KANSL3: variants seen among roughly 807,000 people sequenced by gnomAD.
KANSL3 encodes the protein KAT8 regulatory NSL complex subunit 3.
Under a neutral mutation model 89.2 loss-of-function variants are expected in KANSL3, and 16 were observed. That is an observed-to-expected ratio of 0.18 (90% CI 0.12 to 0.27). The LOEUF is 0.27. Ranked by LOEUF, KANSL3 falls within the 10% of genes least tolerant of loss-of-function variation. The pLI, the probability that KANSL3 is intolerant of heterozygous loss-of-function variation, is 1.00. For missense variants in KANSL3, 879 were observed against 1,110.6 expected, an observed-to-expected ratio of 0.79 and a Z score of 2.96; for synonymous variants, 385 against 419.7, an observed-to-expected ratio of 0.92 and a Z score of 1.01.
At chr2:96,604,650 A>G (rs2067698264) in intron 16 of KANSL3, 129 bp downstream of exon 16, 1 of 886,190 alleles carries the variant, frequency 1.1e-6, no homozygotes, top group African/African-American at 1.7e-5. Context: ...AAAGATCCCA[A>G]TCAGAAGTAA....
chr2:96,619,600 G>C, intron 4 of KANSL3, 56 bp from the exon 5 acceptor site: 4 of 1,607,414 alleles, frequency 2.5e-6, no homozygotes, highest in Non-Finnish European at 3.4e-6. Flanking sequence ...TAACAAGCAG[G>C]GGGACAAGTC....
rs370766806 is a variant in KANSL3 at position 96,601,701 on chromosome 2, C to T, written c.2558G>A (p.Gly853Asp). The T allele has an allele frequency of 2.5e-6, 4 of 1,612,954 alleles. No homozygotes were observed. Among genetic ancestry groups the T allele is most frequent in the African/African-American group, 2.7e-5 (2 of 74,870 alleles). ...PSRITTLSPM[G>D]SGAAPSEESS... ...CTCCTCGGATGGGGCTGCTCCTGAGCCCATAGGGCTCAGTGTAGTGATCCT... is the reference window on the plus strand; with the variant it reads ...CTCCTCGGATGGGGCTGCTCCTGAGTCCATAGGGCTCAGTGTAGTGATCCT... Residue 853 changes from glycine to aspartate, a missense_variant, in exon 20 of 21, where the codon GGC becomes GAC. Transcript: ENST00000431828.
intron 10 of KANSL3, 90 bp from the exon 11 acceptor site, chr2:96,610,973 T>C: frequency 6.3e-7 from 1 of 1,577,660 alleles, no homozygotes; most frequent in South Asian, 1.1e-5. Context: ...GCCATGCAAC[T>C]GCAGTCAGCC....
Position 96,602,254 on chromosome 2 carries a change from C to T in KANSL3, c.2344G>A (p.Val782Met), listed in dbSNP as rs2067286022. The change falls in exon 19 of 21, where the codon GTG (valine) becomes ATG (methionine). Residue 782 changes from valine (V) to methionine (M), a missense_variant. Coordinates refer to ENST00000431828, the MANE Select transcript of KANSL3 (RefSeq NM_001115016.3). The stretch of plus-strand genomic sequence containing the variant: ...CCCAAGGAGGAGAGAGTGGTGGCCA[C>T]AGGAATGGTACGGACAATGGTGCTG... ...GTSTIVRTIP[V>M]ATTLSSLGAT... is the part of the protein sequence containing the mutation. 1 of 1,612,364 alleles carries T rather than the reference C, an allele frequency of 6.2e-7. No homozygotes were observed. The highest frequency in any genetic ancestry group is 8.5e-7 in the Non-Finnish European group (1 of 1,179,372).
chr2:96,631,019 G>A (rs2073292249), intron 3 of KANSL3, among the ~76,000 whole-genome samples: 1 of 152,178 alleles, frequency 6.6e-6, no homozygotes, highest in Non-Finnish European at 1.5e-5. Context: ...AGCTACTACA[G>A]AGCTAGTCAT....
chr2:96,602,485 T>A, intron 18 of KANSL3, 147 bp from the exon 19 acceptor site: 1 of 671,888 alleles, frequency 1.5e-6, no homozygotes, highest in Non-Finnish European at 2.6e-6. Flanking sequence ...TTGCATATAT[T>A]ATTTCATTCT....
Position 96,606,932 on chromosome 2 carries a change from A to G in KANSL3, c.1742-1421T>C, listed in dbSNP as rs571710309. On this transcript the variant is annotated intron_variant, in intron 14 of 20. Transcript: ENST00000431828. Reference sequence around the variant, plus strand: ...AATAAATAAGGGGTTGAGGAGCAGAATGTAGTGGACGAGCAGGCAAGAAAG... The same window carrying G: ...AATAAATAAGGGGTTGAGGAGCAGAGTGTAGTGGACGAGCAGGCAAGAAAG... 2.5e-5 allele frequency: 29 copies of G among 1,141,234 alleles called. No homozygotes were observed. The African/African-American group carries it at 4.3e-4, about 17-fold the overall frequency. The allele number at this position is 1,141,234 out of a possible 1,614,324, so 70.7% of individuals were successfully genotyped here. A position where few individuals can be genotyped will look rare whatever the true frequency, so the allele number is the denominator to read the frequency against.
chr2:96,604,095 G>T, intron 17 of KANSL3, 155 bp downstream of exon 17: 2 of 755,914 alleles, frequency 2.6e-6, no homozygotes, highest in Non-Finnish European at 3.9e-6. Flanking sequence ...CTCTGCCCAA[G>T]CTAATTCCAG....
downstream of KANSL3, among the ~76,000 whole-genome samples, chr2:96,592,555 C>T (rs1312259256): frequency 6.6e-6 from 1 of 152,180 alleles, no homozygotes; most frequent in East Asian, 1.9e-4. Flanking sequence ...ATCTCCTCAC[C>T]TCCTGGGTTA....
rs754259645 is a variant in KANSL3, at chr2:96,637,119, C to T, written c.17G>A (p.Gly6Glu). The change falls in exon 2 of 21, where the codon GGG becomes GAG. Residue 6 changes from glycine (G) to glutamate (E), a missense_variant. Gly to Glu is a moderately conservative substitution (Grantham distance 98, BLOSUM62 -2). Around this residue, in one of 6 missense-constraint regions of KANSL3, gnomAD observed 210 missense variants for 311.9 expected, o/e 0.67. Transcript: ENST00000431828. ...AGCTGAAGTCTGGAAGTCCCTCTCC[C>T]CACCCCGGTGGGCCATGTCAGTGGA... MAHRG[G>E]ERDFQTSARR... is the part of the protein sequence containing the mutation. 1.3e-6 allele frequency: 2 copies of T among 1,551,450 alleles called. No individual in the cohort carries two copies. The highest frequency in any genetic ancestry group is 1.2e-5 in the South Asian group (1 of 84,038).
At position 96,636,921 on chromosome 2, in the gene KANSL3, A is replaced by G; in HGVS notation, c.215T>C (p.Ile72Thr). The G allele has an allele frequency of 6.6e-7, 1 of 1,519,116 alleles. No individual in the cohort carries two copies. Among genetic ancestry groups the G allele is most frequent in the Non-Finnish European group, 8.9e-7 (1 of 1,129,642 alleles). 94.1% of individuals were successfully genotyped at this position (1,519,116 alleles called of 1,614,324 possible). A position where few individuals can be genotyped will look rare whatever the true frequency, so the allele number is the denominator to read the frequency against. The change falls in exon 2 of 21, where the codon ATT becomes ACT. Residue 72 changes from isoleucine to threonine, a missense_variant and splice_region_variant. Ile to Thr is a moderately conservative substitution (Grantham distance 89). Coordinates refer to ENST00000431828, the MANE Select transcript of KANSL3 (RefSeq NM_001115016.3). ...VTPRRQHESTIESDVPIDVET... is the reference protein window; with the variant it reads ...VTPRRQHESTTESDVPIDVET... ...GCAGCCCTTAGAAGCCCCAACTCACATGGTACTTTCGTGCTGCCGCCGGGG... is the reference window on the plus strand; with the variant it reads ...GCAGCCCTTAGAAGCCCCAACTCACGTGGTACTTTCGTGCTGCCGCCGGGG...
At chr2:96,632,146 G>T (rs1018293659) in intron 2 of KANSL3, among the ~76,000 whole-genome samples, 1 of 152,114 alleles carries the variant, frequency 6.6e-6, no homozygotes, top group African/African-American at 2.4e-5. Flanking sequence ...TTAAGCCCAG[G>T]AGTGAGCTGG....
Position 96,595,518 on chromosome 2 carries a change from C to T in KANSL3, c.*93G>A, listed in dbSNP as rs2066453400. ...ACTGTCTTAAACAGGTCTTCCGACACGTGGACAGCTCAGCAGGACCACACA... is the reference window on the plus strand; with the variant it reads ...ACTGTCTTAAACAGGTCTTCCGACATGTGGACAGCTCAGCAGGACCACACA... On this transcript the variant is annotated 3_prime_UTR_variant, in exon 21 of 21. Coordinates refer to ENST00000431828, the MANE Select transcript of KANSL3 (RefSeq NM_001115016.3). 1.1e-5 allele frequency: 15 copies of T among 1,396,396 alleles called. No individual in the cohort carries two copies. Among genetic ancestry groups the T allele is most frequent in the Non-Finnish European group, 1.3e-5 (13 of 997,736 alleles). The allele number at this position is 1,396,396 out of a possible 1,614,324, so 86.5% of individuals were successfully genotyped here.
intron 3 of KANSL3, among the ~76,000 whole-genome samples, chr2:96,630,192 A>C (rs1333927559): frequency 2.0e-5 from 3 of 152,090 alleles, no homozygotes; most frequent in Non-Finnish European, 4.4e-5. Context: ...GAGAATTAAA[A>C]ACTTAGATCC....
chr2:96,597,812 A>AAG (rs1290647369), intron 20 of KANSL3, among the ~76,000 whole-genome samples: 1 of 152,092 alleles, frequency 6.6e-6, no homozygotes, highest in Non-Finnish European at 1.5e-5. Context: ...CATTTTGGTC[A>AAG]AGATGGTTTC....
chr2:96,623,206 G>A (rs1185687427), intron 3 of KANSL3, among the ~76,000 whole-genome samples: 1 of 152,166 alleles, frequency 6.6e-6, no homozygotes, highest in African/African-American at 2.4e-5. Context: ...TCTAAGTTCT[G>A]TAAACAGCCA....
At chr2:96,611,687 A>G (rs1420472464) in intron 9 of KANSL3, among the ~76,000 whole-genome samples, 2 of 152,174 alleles carry the variant, frequency 1.3e-5, no homozygotes, top group Non-Finnish European at 2.9e-5. Flanking sequence ...CATGAGGGAC[A>G]CTTACACAAA....
chr2:96,599,777 T>C (rs1288328641), intron 20 of KANSL3: 3 of 289,942 alleles, frequency 1.0e-5, no homozygotes, highest in Non-Finnish European at 1.5e-5. Context: ...TCTTAAGTAA[T>C]CAGGAAAATG....
In KANSL3 at chr2:96,632,938, A is replaced by C. The variant is rs1457371003; in HGVS notation, c.216-1456T>G. Among the ~76,000 whole-genome samples, 7 of 146,328 alleles carry C rather than the reference A, an allele frequency of 4.8e-5. No homozygotes were observed. In the East Asian group the frequency reaches 8.1e-4, roughly 17 times the overall value. On this transcript the variant is annotated intron_variant, in intron 2 of 20. Transcript: ENST00000431828. ...CCGAGATTGCGCCACTGCACTCCAGACTGGGAGACAGAGCGAGACTCCATC... is the reference window on the plus strand; with the variant it reads ...CCGAGATTGCGCCACTGCACTCCAGCCTGGGAGACAGAGCGAGACTCCATC...
Sources: gnomAD v4.1 joint callset for allele counts (sites outside exome capture counted in the v4.1 genomes callset) on GRCh38, gnomAD v4.1.1 for gene constraint, gnomAD v4.1.1 regional missense constraint, MANE v1.5 for transcripts, NCBI Gene and HGNC (gene_info 2026-07-23, HGNC 2026-07-21) for gene names.